The following SUPT3H variants were observed in gnomAD, a reference collection of about 807,000 sequenced individuals.
SUPT3H encodes SPT3 homolog, SAGA and STAGA complex component, also known as transcription initiation protein SPT3 homolog.
SUPT3H carries 44 observed loss-of-function variants against 44.3 expected under a neutral mutation model. The ratio of observed to expected loss-of-function variants is 0.99; its 90% confidence interval spans 0.78 to 1.28. The LOEUF is 1.28. SUPT3H is among the 50% of genes most tolerant of loss of function. The pLI, the probability that SUPT3H is intolerant of heterozygous loss-of-function variation, is 0.00. For synonymous variants in SUPT3H, 124 were observed against 125.6 expected (o/e 0.99, Z 0.09); for missense variants, 380 against 387.1 (o/e 0.98, Z 0.15).
chr6:45,048,540 T>C (rs990556008), intron 3 of SUPT3H, among the ~76,000 whole-genome samples: 2 of 152,158 alleles, frequency 1.3e-5, no homozygotes, highest in Non-Finnish European at 2.9e-5. Flanking sequence ...AATCTCATTA[T>C]TGGGTACATA....
In SUPT3H at chr6:44,829,779, C is replaced by T; in HGVS notation, c.*37G>A. 6.2e-7 allele frequency: 1 copy of T among 1,606,644 alleles called. No individual in the cohort carries two copies. Among genetic ancestry groups the T allele is most frequent in the Non-Finnish European group, 8.5e-7 (1 of 1,175,728 alleles). On this transcript the variant is annotated 3_prime_UTR_variant, in exon 11 of 11. Coordinates refer to ENST00000371459, the MANE Select transcript of SUPT3H (RefSeq NM_003599.4). ...AAGAAATCACCTTAATATAACATTGCCTTTCCTGTTGTTGCAGGCACATCA... is the reference window on the plus strand; with the variant it reads ...AAGAAATCACCTTAATATAACATTGTCTTTCCTGTTGTTGCAGGCACATCA...
At chr6:45,038,329 T>A (rs1362005919) in intron 3 of SUPT3H, among the ~76,000 whole-genome samples, 1 of 152,092 alleles carries the variant, frequency 6.6e-6, no homozygotes, top group African/African-American at 2.4e-5. Flanking sequence ...TTTAGATAGG[T>A]TTTACTAGCA....
intron 6 of SUPT3H, among the ~76,000 whole-genome samples, chr6:44,974,048 C>A (rs1450447222): frequency 6.6e-6 from 1 of 152,080 alleles, no homozygotes; most frequent in Non-Finnish European, 1.5e-5. Context: ...CCTGCTATGG[C>A]TCACATATAT....
chr6:45,373,813 A>T (rs1563049412), intron 1 of SUPT3H, among the ~76,000 whole-genome samples: 1 of 152,084 alleles, frequency 6.6e-6, no homozygotes, highest in Non-Finnish European at 1.5e-5. Flanking sequence ...TCAGCCTCCC[A>T]AAGTGCTGGG....
chr6:45,036,147 G>A (rs531626262), intron 3 of SUPT3H, among the ~76,000 whole-genome samples: 22 of 152,236 alleles, frequency 1.4e-4, no homozygotes, highest in African/African-American at 5.1e-4. Context: ...ATCGTTTAGT[G>A]GTCAGGAGGA....
intron 2 of SUPT3H, among the ~76,000 whole-genome samples, chr6:45,196,594 T>C (rs1816069891): frequency 6.6e-6 from 1 of 152,054 alleles, no homozygotes; most frequent in Non-Finnish European, 1.5e-5. Context: ...AACCACAGTT[T>C]CTTTGGTTAT....
intron 2 of SUPT3H, among the ~76,000 whole-genome samples, chr6:45,278,111 T>C (rs1019301973): frequency 1.8e-4 from 8 of 45,244 alleles, no homozygotes; most frequent in Admixed American, 9.8e-4. Flanking sequence ...CATAACACAA[T>C]GGGGCCTGTC....
chr6:44,895,041 C>A (rs942446784), intron 10 of SUPT3H, among the ~76,000 whole-genome samples: 3 of 151,842 alleles, frequency 2.0e-5, no homozygotes, highest in Non-Finnish European at 2.9e-5. Context: ...ATGGTAATAA[C>A]CCATTATTAC....
chr6:45,210,365 C>T (rs1763895172), intron 2 of SUPT3H, among the ~76,000 whole-genome samples: 1 of 152,114 alleles, frequency 6.6e-6, no homozygotes, highest in South Asian at 2.1e-4. Context: ...CTTTCTCTGC[C>T]CTATTGTTTC....
chr6:45,351,539 C>A (rs1405013793), intron 2 of SUPT3H, among the ~76,000 whole-genome samples: 1 of 152,234 alleles, frequency 6.6e-6, no homozygotes, highest in Non-Finnish European at 1.5e-5. Context: ...AGAAGACTTC[C>A]AGGACGATGA....
intron 2 of SUPT3H, among the ~76,000 whole-genome samples, chr6:45,156,069 G>A (rs1354936220): frequency 6.6e-6 from 1 of 151,890 alleles, no homozygotes; most frequent in Non-Finnish European, 1.5e-5. Context: ...ATTTAAAAAA[G>A]AAGAAGAAAA....
intron 2 of SUPT3H, among the ~76,000 whole-genome samples, chr6:45,310,052 C>T (rs1047842012): frequency 1.3e-5 from 2 of 152,176 alleles, no homozygotes; most frequent in African/African-American, 2.4e-5. Flanking sequence ...AGTTTTCAAG[C>T]GTGCCCTCCA....
intron 2 of SUPT3H, among the ~76,000 whole-genome samples, chr6:45,323,354 A>C (rs1785816710): frequency 6.6e-6 from 1 of 151,900 alleles, no homozygotes; most frequent in East Asian, 1.9e-4. Context: ...CGGAAACCTT[A>C]AATATATTAA....
rs544520736 is a variant in SUPT3H, at chr6:45,048,586, G to A, written c.187-27954C>T. Among the ~76,000 whole-genome samples, 3 of 152,224 alleles carry A rather than the reference G, an allele frequency of 2.0e-5. No homozygotes were observed. The East Asian group carries it at 5.8e-4, about 29-fold the overall frequency. ...GTAAACTTAGTATGTTTAAGAGGTA[G>A]CATTACTCCTATGTTCACTGCAGTA... is the stretch of plus-strand genomic sequence containing the variant. On this transcript the variant is annotated intron_variant, in intron 3 of 10. Coordinates refer to ENST00000371459, the MANE Select transcript of SUPT3H (RefSeq NM_003599.4).
At chr6:44,888,187 C>T (rs1186132108) in intron 10 of SUPT3H, among the ~76,000 whole-genome samples, 1 of 152,130 alleles carries the variant, frequency 6.6e-6, no homozygotes, top group African/African-American at 2.4e-5. Context: ...ATCAGAGGTA[C>T]AAGGAGGAAT....
At chr6:45,153,137 T>C (rs916776363) in intron 2 of SUPT3H, among the ~76,000 whole-genome samples, 4 of 152,200 alleles carry the variant, frequency 2.6e-5, no homozygotes, top group Admixed American at 6.5e-5. Flanking sequence ...ATTGAAAATA[T>C]CAGCTTCTAT....
chr6:45,161,213 T>A (rs1379207927), intron 2 of SUPT3H, among the ~76,000 whole-genome samples: 1 of 152,090 alleles, frequency 6.6e-6, no homozygotes, highest in African/African-American at 2.4e-5. Context: ...TCTTATAAAT[T>A]ACCCAGTCTC....
At chr6:45,103,800 C>T (rs1172373951) in intron 3 of SUPT3H, among the ~76,000 whole-genome samples, 2 of 151,956 alleles carry the variant, frequency 1.3e-5, no homozygotes, top group African/African-American at 4.8e-5. Flanking sequence ...AGCAAACTAC[C>T]CAAAGCCAAA....
At chr6:45,140,163 C>A (rs1469390507) in intron 2 of SUPT3H, among the ~76,000 whole-genome samples, 3 of 152,042 alleles carry the variant, frequency 2.0e-5, no homozygotes, top group South Asian at 2.1e-4. Context: ...TGGAAAATAA[C>A]CCCACTGGCC....
Sources: allele counts gnomAD v4.1 joint callset (sites outside exome capture counted in the v4.1 genomes callset), GRCh38; gene constraint gnomAD v4.1.1; transcripts MANE v1.5; gene names NCBI Gene and HGNC (gene_info 2026-07-23, HGNC 2026-07-21).